The following ARHGEF28 variants were observed in gnomAD, a reference collection of about 807,000 sequenced individuals.
The protein encoded by ARHGEF28 is 190 kDa guanine nucleotide exchange factor.
A neutral mutation model predicts 206.6 loss-of-function variants in ARHGEF28; 152 were observed. The observed-to-expected ratio is 0.74, with a 90% CI of 0.64 to 0.84. The LOEUF is 0.84. Among genes scored for constraint, ARHGEF28 ranks in the 40% least tolerant of loss-of-function variants. ARHGEF28 has a pLI of 0.00. For missense variants in ARHGEF28, 2,028 were observed against 2,073.2 expected (o/e 0.98, Z 0.42); for synonymous variants, 763 against 776.4 (o/e 0.98, Z 0.29).
chr5:73,869,956 T>G, intron 20 of ARHGEF28, 113 bp from the exon 21 acceptor site: 1 of 1,305,630 alleles, frequency 7.7e-7, no homozygotes, highest in South Asian at 1.5e-5. Context: ...GTTTAGTAGT[T>G]TCCATGTTCA....
intron 4 of ARHGEF28, among the ~76,000 whole-genome samples, chr5:73,762,455 C>CAAAAAAAA (rs35028103): frequency 2.4e-4 from 16 of 66,712 alleles, no homozygotes; most frequent in East Asian, 1.2e-3. Flanking sequence ...GACTCCCTCT[C>CAAAAAAAA]AAAAAAAAAA....
At chr5:73,785,808 G>A (rs894569000) in intron 7 of ARHGEF28, among the ~76,000 whole-genome samples, 9 of 152,100 alleles carry the variant, frequency 5.9e-5, no homozygotes, top group Admixed American at 2.0e-4. Flanking sequence ...ATTGGAACAT[G>A]TGTTACAATC....
intron 29 of ARHGEF28, among the ~76,000 whole-genome samples, chr5:73,896,434 T>C (rs1761964195): frequency 7.6e-6 from 1 of 132,244 alleles, no homozygotes; most frequent in African/African-American, 3.1e-5. Flanking sequence ...AAGAGGATGT[T>C]ATTCCAAATA....
intron 30 of ARHGEF28, chr5:73,898,973 T>C (rs943741900): frequency 1.3e-5 from 2 of 152,214 alleles, no homozygotes; most frequent in Non-Finnish European, 2.9e-5. Flanking sequence ...GAAGATTAAA[T>C]TGAACTCAGA....
At chr5:73,795,240 T>G (rs1580628444) in intron 8 of ARHGEF28, 91 bp from the exon 9 acceptor site, 1 of 1,179,034 alleles carries the variant, frequency 8.5e-7, no homozygotes, top group East Asian at 2.3e-5. Context: ...CATTGATGCT[T>G]TCCAAGGTTG....
chr5:73,920,256 A>C (rs534531864), intron 35 of ARHGEF28, among the ~76,000 whole-genome samples: 8 of 152,178 alleles, frequency 5.3e-5, no homozygotes, highest in Non-Finnish European at 8.8e-5. Flanking sequence ...GCATTCTTAA[A>C]ATGTTGGGGT....
At chr5:73,851,273 G>C (rs1336081216) in intron 13 of ARHGEF28, among the ~76,000 whole-genome samples, 2 of 152,068 alleles carry the variant, frequency 1.3e-5, no homozygotes, top group African/African-American at 4.8e-5. Context: ...ATGTCCCAGA[G>C]GGAAGCTCCC....
chr5:73,671,103 G>A (rs947116352), intron 1 of ARHGEF28, among the ~76,000 whole-genome samples: 18 of 151,930 alleles, frequency 1.2e-4, no homozygotes, highest in African/African-American at 4.1e-4. Context: ...TGGAATTCAT[G>A]GCCTCTATAA....
intron 35 of ARHGEF28, among the ~76,000 whole-genome samples, chr5:73,937,266 C>A (rs1469413362): frequency 6.6e-6 from 1 of 152,120 alleles, no homozygotes; most frequent in Non-Finnish European, 1.5e-5. Flanking sequence ...CTAACTTAGA[C>A]CCCCCACGGT....
chr5:73,822,743 C>T (rs1756674523), intron 9 of ARHGEF28, among the ~76,000 whole-genome samples: 1 of 152,182 alleles, frequency 6.6e-6, no homozygotes, highest in Admixed American at 6.5e-5. Flanking sequence ...CTGCCTCAGC[C>T]TCCTGAGTAG....
chr5:73,864,988 C>G (rs758784116), intron 17 of ARHGEF28, 116 bp downstream of exon 17: 1 of 874,164 alleles, frequency 1.1e-6, no homozygotes, highest in African/African-American at 1.7e-5. Flanking sequence ...ATCATGATAG[C>G]GATAACATAA....
At chr5:73,695,367 C>T (rs1173844934) in intron 2 of ARHGEF28, among the ~76,000 whole-genome samples, 1 of 151,872 alleles carries the variant, frequency 6.6e-6, no homozygotes, top group Non-Finnish European at 1.5e-5. Flanking sequence ...CCCTCTTTTT[C>T]TCGCGAGCTC....
At chr5:73,797,563 G>A (rs1444346641) in intron 9 of ARHGEF28, among the ~76,000 whole-genome samples, 1 of 152,116 alleles carries the variant, frequency 6.6e-6, no homozygotes, top group Non-Finnish European at 1.5e-5. Flanking sequence ...ACCATGCCCA[G>A]GTAATTTTTG....
chr5:73,710,258 G>A (rs1216900985), intron 2 of ARHGEF28, among the ~76,000 whole-genome samples: 1 of 152,198 alleles, frequency 6.6e-6, no homozygotes, highest in African/African-American at 2.4e-5. Context: ...TAAAAGGTAT[G>A]TAGTAGTATC....
At chr5:73,884,831 A>T (rs892602554) in intron 24 of ARHGEF28, among the ~76,000 whole-genome samples, 7 of 151,872 alleles carry the variant, frequency 4.6e-5, no homozygotes, top group African/African-American at 1.7e-4. Context: ...TAATCTAGAG[A>T]CAAGAGCAGG....
intron 4 of ARHGEF28, among the ~76,000 whole-genome samples, chr5:73,767,103 G>A (rs1752939003): frequency 6.6e-6 from 1 of 152,200 alleles, no homozygotes; most frequent in Admixed American, 6.5e-5. Context: ...CACCATGTAA[G>A]AAGTGCCTTT....
chr5:73,730,736 A>G (rs761318063), intron 2 of ARHGEF28, among the ~76,000 whole-genome samples: 6 of 152,040 alleles, frequency 3.9e-5, no homozygotes, highest in Non-Finnish European at 7.4e-5. Flanking sequence ...AGGTTTTGCC[A>G]TGTTGCACAG....
At chr5:73,914,929 C>T (rs533794427) in intron 35 of ARHGEF28, among the ~76,000 whole-genome samples, 6 of 152,100 alleles carry the variant, frequency 3.9e-5, no homozygotes, top group East Asian at 1.9e-4. Context: ...TTTGTAGAGA[C>T]GGGGTTTCCC....
At position 73,832,023 on chromosome 5, in the gene ARHGEF28, T is replaced by C. The variant is rs62357757; in HGVS notation, c.1025-315T>C. Among the ~76,000 whole-genome samples, 16,070 of 152,226 alleles carry C rather than the reference T, an allele frequency of 0.11. 941 individuals are homozygous for C. The highest frequency in any genetic ancestry group is 0.13 in the Non-Finnish European group (8,875 of 68,010). On this transcript the variant is annotated intron_variant, in intron 9 of 35. Transcript: ENST00000513042. ...TAGTTACTAATAAAGGGAAATGAAG[T>C]TTAATTTAAAAATATAGTAGAAATC...
Sources: allele counts gnomAD v4.1 joint callset (sites outside exome capture counted in the v4.1 genomes callset), GRCh38; gene constraint gnomAD v4.1.1; transcripts MANE v1.5; gene names NCBI Gene and HGNC (gene_info 2026-07-23, HGNC 2026-07-21).